Variants in NOL10 observed in about 807,000 individuals in gnomAD.
NOL10 encodes H_NH0074G24.1.
NOL10 carries 58 observed loss-of-function variants against 103.5 expected under a neutral mutation model. That is an observed-to-expected ratio of 0.56 (90% CI 0.45 to 0.70). NOL10 has a LOEUF of 0.70. Among genes scored for constraint, NOL10 ranks in the 30% least tolerant of loss-of-function variants. The probability of loss-of-function intolerance (pLI) is 0.00; values close to 1 mark genes in which losing one functional copy is unlikely to be tolerated. For missense variants in NOL10, 763 were observed against 807.3 expected, an observed-to-expected ratio of 0.95 and a Z score of 0.67; for synonymous variants, 287 against 282.5, an observed-to-expected ratio of 1.02 and a Z score of -0.16.
At chr2:10,667,315 T>G (rs1176883676) in intron 7 of NOL10, 37 bp from the exon 8 acceptor site, 1 of 1,402,242 alleles carries the variant, frequency 7.1e-7, no homozygotes, top group South Asian at 1.2e-5. Flanking sequence ...ATGAATTAGT[T>G]AGCACCTACT....
At chr2:10,607,571 G>A (rs1316033590) in intron 13 of NOL10, among the ~76,000 whole-genome samples, 1 of 151,864 alleles carries the variant, frequency 6.6e-6, no homozygotes, top group Non-Finnish European at 1.5e-5. Context: ...TCTTATATTA[G>A]CACTATCAAA....
rs370958350 is a variant in NOL10, at chr2:10,604,337, C to G, written c.1154-1180G>C. Among the ~76,000 whole-genome samples the G allele has an allele frequency of 2.6e-5, 4 of 152,040 alleles. No homozygotes were observed. The East Asian group carries it at 7.7e-4, about 29-fold the overall frequency. On this transcript the variant is annotated intron_variant, in intron 14 of 20. Coordinates refer to ENST00000381685, the MANE Select transcript of NOL10 (RefSeq NM_024894.4). Reference sequence around the variant, plus strand: ...TTTAGAAATATACATCCATCTAGACCTGAAAATCAAGTACTGAGCAAAATC... The same window carrying G: ...TTTAGAAATATACATCCATCTAGACGTGAAAATCAAGTACTGAGCAAAATC...
rs997364890 is a variant in NOL10, at chr2:10,571,042, T to C, written c.*1029A>G. Reference sequence around the variant, plus strand: ...ATCCCAAATCTGAAAATCCAAAACCTGAAAAGCTCTAATGAGCATTTTCCT... The same window carrying C: ...ATCCCAAATCTGAAAATCCAAAACCCGAAAAGCTCTAATGAGCATTTTCCT... On this transcript the variant is annotated 3_prime_UTR_variant, in exon 21 of 21. Transcript: ENST00000381685. 30 of 152,230 alleles carry C rather than the reference T, an allele frequency of 2.0e-4. No homozygotes were observed. The highest frequency in any genetic ancestry group is 1.2e-3 in the Admixed American group (18 of 15,280). The allele number at this position is 152,230 out of a possible 1,614,324, so 9.4% of individuals were successfully genotyped here.
intron 12 of NOL10, among the ~76,000 whole-genome samples, chr2:10,650,159 T>C (rs1679359240): frequency 6.6e-6 from 1 of 152,228 alleles, no homozygotes; most frequent in East Asian, 1.9e-4. Flanking sequence ...ATTAAAATGT[T>C]AGCAAGATAA....
At chr2:10,644,427 T>C in intron 12 of NOL10, 55 bp from the exon 13 acceptor site, 1 of 1,285,826 alleles carries the variant, frequency 7.8e-7, no homozygotes, top group Non-Finnish European at 1.1e-6. Context: ...AAGTACCCTT[T>C]TCTATTTGCT....
At chr2:10,679,547 ATTCT>A (rs1185913636) in intron 3 of NOL10, among the ~76,000 whole-genome samples, 3 of 151,928 alleles carry the variant, frequency 2.0e-5, no homozygotes, top group Admixed American at 1.3e-4. Context: ...CATGTTTCAC[ATTCT>A]TTCTTCCTTT....
chr2:10,616,406 G>T (rs1317698357), intron 13 of NOL10, among the ~76,000 whole-genome samples: 2 of 151,826 alleles, frequency 1.3e-5, no homozygotes, highest in African/African-American at 4.8e-5. Context: ...TTTTAGTAGA[G>T]ACGGGGTTTC....
intron 20 of NOL10, among the ~76,000 whole-genome samples, chr2:10,576,955 G>T (rs1433017864): frequency 6.6e-6 from 1 of 152,028 alleles, no homozygotes; most frequent in African/African-American, 2.4e-5. Flanking sequence ...GTTCTATTTG[G>T]TGACTATATT....
intron 3 of NOL10, among the ~76,000 whole-genome samples, chr2:10,681,188 C>T (rs1681730007): frequency 6.6e-6 from 1 of 151,702 alleles, no homozygotes; most frequent in Admixed American, 6.6e-5. Context: ...TAGTAACAGC[C>T]AAAAACCTGA....
At position 10,646,578 on chromosome 2, in the gene NOL10, C is replaced by A. The variant is rs544648893; in HGVS notation, c.974-2206G>T. 7.0e-4 allele frequency among the ~76,000 whole-genome samples: 106 copies of A among 152,318 alleles called. 1 individual carries two copies. The highest frequency in any genetic ancestry group is 2.5e-3 in the African/African-American group (102 of 41,564). On this transcript the variant is annotated intron_variant, in intron 12 of 20. Coordinates refer to ENST00000381685, the MANE Select transcript of NOL10 (RefSeq NM_024894.4). ...CATCATAGAGCCCAAAGAGTATGAG[C>A]AGCTTCTAACAGGCAGAAACAGAAA...
chr2:10,681,640 A>G (rs1008912656), intron 3 of NOL10, among the ~76,000 whole-genome samples: 3 of 152,222 alleles, frequency 2.0e-5, no homozygotes, highest in African/African-American at 7.2e-5. Flanking sequence ...ATAAATATTG[A>G]ACTCCAGCTA....
At chr2:10,682,138 G>T in intron 2 of NOL10, 69 bp from the exon 3 acceptor site, 1 of 614,040 alleles carries the variant, frequency 1.6e-6, no homozygotes, top group Non-Finnish European at 2.6e-6. Context: ...GAAGACAAAT[G>T]GGTACCAAGC....
In NOL10 at chr2:10,633,667, T is replaced by C. The variant is rs117284034; in HGVS notation, c.1026+10653A>G. Among the ~76,000 whole-genome samples the C allele has an allele frequency of 5.2e-4, 79 of 152,134 alleles. 2 individuals carry two copies. The East Asian group carries it at 0.014, about 26-fold the overall frequency. ...GAGTGAGAAGAAAACAGAATCTGATTCTTTAGTCTCTTTCTGCTTTTCTAT... is the reference window on the plus strand; with the variant it reads ...GAGTGAGAAGAAAACAGAATCTGATCCTTTAGTCTCTTTCTGCTTTTCTAT... On this transcript the variant is annotated intron_variant, in intron 13 of 20. Coordinates refer to ENST00000381685, the MANE Select transcript of NOL10 (RefSeq NM_024894.4).
intron 12 of NOL10, among the ~76,000 whole-genome samples, chr2:10,649,691 G>T (rs1262158066): frequency 6.6e-6 from 1 of 152,102 alleles, no homozygotes; most frequent in Non-Finnish European, 1.5e-5. Flanking sequence ...TGGACCAGGG[G>T]TCAGCAAACT....
chr2:10,638,049 A>C (rs1678387137), intron 13 of NOL10, among the ~76,000 whole-genome samples: 1 of 152,234 alleles, frequency 6.6e-6, no homozygotes, highest in Non-Finnish European at 1.5e-5. Context: ...TGGGAGGCCA[A>C]CGTGGGAGGA....
At chr2:10,612,665 G>A (rs1676631954) in intron 13 of NOL10, among the ~76,000 whole-genome samples, 3 of 151,896 alleles carry the variant, frequency 2.0e-5, no homozygotes, top group Admixed American at 2.0e-4. Context: ...ACCACAACCA[G>A]CTAAATTTTT....
chr2:10,573,603 T>C lies in NOL10; in HGVS notation c.1948-1413A>G, dbSNP rs552191708. Among the ~76,000 whole-genome samples the C allele has an allele frequency of 4.0e-5, 6 of 150,932 alleles. No homozygotes were observed. The South Asian group carries it at 6.3e-4, about 16-fold the overall frequency. The stretch of plus-strand genomic sequence containing the variant: ...GTGGATATTACCCACTCTTCTAAAA[T>C]TGAAGAGTTGCAAGTGAGAGAATAG... On this transcript the variant is annotated intron_variant, in intron 20 of 20. Coordinates refer to ENST00000381685, the MANE Select transcript of NOL10 (RefSeq NM_024894.4).
chr2:10,580,865 T>C (rs918598951), intron 19 of NOL10, among the ~76,000 whole-genome samples: 6 of 151,904 alleles, frequency 3.9e-5, no homozygotes, highest in South Asian at 2.1e-4. Flanking sequence ...CAGGACAAAA[T>C]TGAGAAGAGT....
chr2:10,663,070 A>G, intron 8 of NOL10, 26 bp from the exon 9 acceptor site: 1 of 1,600,284 alleles, frequency 6.2e-7, no homozygotes, highest in South Asian at 1.1e-5. Context: ...ACAATTTTAA[A>G]TAAAAGCTGT....
Sources: allele counts gnomAD v4.1 joint callset (sites outside exome capture counted in the v4.1 genomes callset), GRCh38; gene constraint gnomAD v4.1.1; transcripts MANE v1.5; gene names NCBI Gene and HGNC (gene_info 2026-07-23, HGNC 2026-07-21).